The following RUVBL1 variants were observed in gnomAD, a reference collection of about 807,000 sequenced individuals.
RUVBL1 encodes RuvB like AAA ATPase 1.
In RUVBL1, 4 loss-of-function variants were observed where a neutral mutation model predicts 52.4. The ratio of observed to expected loss-of-function variants is 0.08; its 90% CI spans 0.04 to 0.17. The LOEUF (loss-of-function observed/expected upper bound fraction) is 0.17. RUVBL1 is among the 10% of genes least tolerant of loss of function. The pLI is 1.00. For missense variants in RUVBL1, 298 were observed against 572.8 expected (o/e 0.52, Z 4.90); for synonymous variants, 217 against 214.4 (o/e 1.01, Z -0.10).
At chr3:128,106,015 G>C (rs988046261) in intron 3 of RUVBL1, among the ~76,000 whole-genome samples, 15 of 151,876 alleles carry the variant, frequency 9.9e-5, no homozygotes, top group African/African-American at 3.6e-4. Context: ...GATTACAGGC[G>C]TGCACCACCA....
rs185459360 is a variant in RUVBL1, at chr3:128,119,244, A to C, written c.228+84T>G. 554 of 931,628 alleles carry C rather than the reference A, an allele frequency of 5.9e-4. 5 individuals are homozygous for C. In the African/African-American group the frequency reaches 8.2e-3, roughly 14 times the overall value. 57.7% of individuals were successfully genotyped at this position (931,628 alleles called of 1,614,324 possible). On this transcript the variant is annotated intron_variant, in intron 2 of 10. Transcript: ENST00000322623. ...ATATAACCCATTTAGCTAAACAAAG[A>C]CTAGTTAAGACATGAATTCAATTTG...
intron 4 of RUVBL1, 152 bp from the exon 5 acceptor site, chr3:128,101,800 G>A: frequency 7.0e-6 from 5 of 716,658 alleles, no homozygotes; most frequent in Non-Finnish European, 1.2e-5. Context: ...ACCTGCAGGA[G>A]TGTGAATGCA....
chr3:128,079,772 T>G (rs1942421028), downstream of RUVBL1, among the ~76,000 whole-genome samples: 1 of 152,212 alleles, frequency 6.6e-6, no homozygotes, highest in Non-Finnish European at 1.5e-5. Context: ...CCCCTCCCAC[T>G]GTCCCCTTGA....
At chr3:128,145,972 G>T (rs530067957) in intron 1 of RUVBL1, among the ~76,000 whole-genome samples, 46 of 152,266 alleles carry the variant, frequency 3.0e-4, no homozygotes, top group African/African-American at 1.1e-3. Context: ...AATGAGGAAT[G>T]AACATAATAA....
chr3:128,119,787 G>C (rs11707462), intron 1 of RUVBL1, among the ~76,000 whole-genome samples: 21,524 of 152,122 alleles, frequency 0.14, 1,734 homozygotes, highest in African/African-American at 0.21. Flanking sequence ...TCCAGGCAAA[G>C]AAAACAGCGA....
chr3:128,152,207 A>C lies in RUVBL1; in HGVS notation c.-40+996T>G, dbSNP rs186879562. 5.3e-5 allele frequency among the ~76,000 whole-genome samples: 8 copies of C among 152,334 alleles called. No homozygotes were observed. The East Asian group carries it at 1.5e-3, about 29-fold the overall frequency. On this transcript the variant is annotated intron_variant, in intron 1 of 9. Coordinates refer to the RUVBL1 transcript ENST00000464873. ...TGTGGTTCTAGACACTTCAGAATCTAGTGAGAGTTGTCGACCCTCTGTCTA... is the reference window on the plus strand; with the variant it reads ...TGTGGTTCTAGACACTTCAGAATCTCGTGAGAGTTGTCGACCCTCTGTCTA...
At chr3:128,123,172 ACC>A (rs1186907245) in intron 1 of RUVBL1, among the ~76,000 whole-genome samples, 2 of 151,972 alleles carry the variant, frequency 1.3e-5, no homozygotes, top group African/African-American at 2.4e-5. Flanking sequence ...GCAGTAACTA[ACC>A]CCACCAAGAT....
chr3:128,109,827 T>TTTC (rs1943336288), intron 3 of RUVBL1, among the ~76,000 whole-genome samples: 1 of 139,242 alleles, frequency 7.2e-6, no homozygotes, highest in African/African-American at 2.7e-5. Flanking sequence ...TTTTTTTTTT[T>TTTC]TTTTTTTTGA....
intron 9 of RUVBL1, among the ~76,000 whole-genome samples, chr3:128,072,339 A>T (rs962667949): frequency 1.3e-5 from 2 of 152,158 alleles, no homozygotes; most frequent in South Asian, 2.1e-4. Context: ...TGGGTGGGCA[A>T]CCCCAGGGCA....
chr3:128,107,835 C>T (rs891874834), intron 3 of RUVBL1, among the ~76,000 whole-genome samples: 1 of 152,172 alleles, frequency 6.6e-6, no homozygotes, highest in Non-Finnish European at 1.5e-5. Flanking sequence ...TAAAATCAAA[C>T]CTTTTATATC....
Position 128,090,672 on chromosome 3 carries a change from G to T in RUVBL1, c.1017-2864C>A, listed in dbSNP as rs578081285. Among the ~76,000 whole-genome samples the T allele has an allele frequency of 1.3e-4, 20 of 152,326 alleles. No individual in the cohort carries two copies. In the South Asian group the frequency reaches 4.1e-3, roughly 32 times the overall value. On this transcript the variant is annotated intron_variant, in intron 8 of 10. Coordinates refer to ENST00000322623, the MANE Select transcript of RUVBL1 (RefSeq NM_003707.3). ...AATTATAAAGATGAAATTCTATCAT[G>T]ATTCAAATCTCAGTATTTGGTGTGC...
intron 1 of RUVBL1, among the ~76,000 whole-genome samples, chr3:128,138,905 A>G (rs1452740268): frequency 1.3e-5 from 2 of 152,216 alleles, no homozygotes; most frequent in African/African-American, 4.8e-5. Flanking sequence ...ACAAATCCAT[A>G]CATTTACAAT....
intron 1 of RUVBL1, among the ~76,000 whole-genome samples, chr3:128,148,604 C>G (rs1054661974): frequency 6.6e-6 from 1 of 152,138 alleles, no homozygotes; most frequent in African/African-American, 2.4e-5. Context: ...TGGCTTGTAA[C>G]GCCAAGAGAC....
intron 3 of RUVBL1, among the ~76,000 whole-genome samples, chr3:128,105,268 C>T (rs7431034): frequency 0.014 from 2,058 of 151,956 alleles, 52 homozygotes; most frequent in African/African-American, 0.046. Context: ...TACAGGCGCC[C>T]GCCACCACGC....
chr3:128,117,359 A>T (rs1218317378), intron 2 of RUVBL1, among the ~76,000 whole-genome samples: 1 of 152,214 alleles, frequency 6.6e-6, no homozygotes, highest in East Asian at 1.9e-4. Flanking sequence ...ATTCCTTATT[A>T]TGGAAACTGC....
In RUVBL1 at chr3:128,086,658, CT is replaced by C. The variant is rs558043790; in HGVS notation, c.1119+1047del. Among the ~76,000 whole-genome samples, 291 of 152,356 alleles carry C rather than the reference CT, an allele frequency of 1.9e-3. 1 individual carries two copies. Among genetic ancestry groups the C allele is most frequent in the African/African-American group, 6.5e-3 (271 of 41,586 alleles). On this transcript the variant is annotated intron_variant, in intron 9 of 10. Coordinates refer to ENST00000322623, the MANE Select transcript of RUVBL1 (RefSeq NM_003707.3). Reference sequence around the variant, plus strand: ...ACAGGGCACTGCCTGGCTTTGCATCCTGCACTTACAGCTCCATGACTCAAAT... The same window carrying C: ...ACAGGGCACTGCCTGGCTTTGCATCCGCACTTACAGCTCCATGACTCAAAT...
At chr3:128,105,614 A>C (rs1274903087) in intron 3 of RUVBL1, among the ~76,000 whole-genome samples, 2 of 152,174 alleles carry the variant, frequency 1.3e-5, no homozygotes, top group Non-Finnish European at 2.9e-5. Context: ...TTGTTTCCTG[A>C]ATTTCTGACT....
intron 1 of RUVBL1, 82 bp from the exon 2 acceptor site, chr3:128,119,496 A>G: frequency 9.0e-7 from 1 of 1,114,116 alleles, no homozygotes; most frequent in South Asian, 1.4e-5. Flanking sequence ...TGGCCTACAC[A>G]AGTCACACAC....
At chr3:128,099,667 A>C (rs1319507422) in intron 6 of RUVBL1, among the ~76,000 whole-genome samples, 1 of 152,174 alleles carries the variant, frequency 6.6e-6, no homozygotes, top group African/African-American at 2.4e-5. Context: ...GCATTTAGTG[A>C]TCACCTGTTG....
Sources: allele counts gnomAD v4.1 joint callset (sites outside exome capture counted in the v4.1 genomes callset), GRCh38; gene constraint gnomAD v4.1.1; transcripts MANE v1.5; gene names NCBI Gene and HGNC (gene_info 2026-07-23, HGNC 2026-07-21).